S100A9: variants seen among roughly 807,000 people sequenced by gnomAD.
S100A9 encodes S100 calcium binding protein A9.
Under a neutral mutation model 4.3 loss-of-function variants are expected in S100A9, and 2 were observed. The ratio of observed to expected loss-of-function variants is 0.47; its 90% CI spans 0.19 to 1.48. The LOEUF (loss-of-function observed/expected upper bound fraction) is 1.48, where lower values mean the gene tolerates loss of function less well. Among genes scored for constraint, S100A9 ranks in the 40% most tolerant of loss-of-function variants. The probability of loss-of-function intolerance (pLI) is 0.24; values close to 1 mark genes in which losing one functional copy is unlikely to be tolerated. For synonymous variants in S100A9, 67 were observed against 54.0 expected, an observed-to-expected ratio of 1.24 and a Z score of -1.06; for missense variants, 130 against 144.4, an observed-to-expected ratio of 0.90 and a Z score of 0.51.
intron 1 of S100A9, 116 bp downstream of exon 1, chr1:153,357,997 C>A (rs143498526): frequency 9.8e-4 from 223 of 226,578 alleles, no homozygotes; most frequent in African/African-American, 4.6e-3. Flanking sequence ...GTTGGCCCTG[C>A]CTACTTTAAA....
chr1:153,358,240 G>C (rs1017886057), intron 1 of S100A9, 29 bp from the exon 2 acceptor site: 2 of 1,478,008 alleles, frequency 1.4e-6, no homozygotes, highest in South Asian at 2.7e-5. Flanking sequence ...TCTTCTAAGT[G>C]TCCCAACTCT....
Position 153,358,417 on chromosome 1 carries a change from T to C in S100A9, c.134T>C (p.Leu45Pro). 1 of 1,609,406 alleles carries C rather than the reference T, an allele frequency of 6.2e-7. No individual in the cohort carries two copies. Among genetic ancestry groups the C allele is most frequent in the Non-Finnish European group, 8.5e-7 (1 of 1,177,458 alleles). The change falls in exon 2 of 3, where the codon CTG becomes CCG. Residue 45 changes from leucine (L) to proline (P), a missense_variant. Leu to Pro is a moderately conservative substitution (Grantham distance 98, BLOSUM62 -3). Coordinates refer to ENST00000368738, the MANE Select transcript of S100A9 (RefSeq NM_002965.4). Reference sequence around the variant, plus strand: ...TTCAAAGAGCTGGTGCGAAAAGATCTGCAAAATTTTCTCAAGGTAGGGCTG... The same window carrying C: ...TTCAAAGAGCTGGTGCGAAAAGATCCGCAAAATTTTCTCAAGGTAGGGCTG... Reference protein sequence around the residue: ...GEFKELVRKDLQNFLKKENKN... With the variant: ...GEFKELVRKDPQNFLKKENKN...
In S100A9 at chr1:153,361,012, C is replaced by A; in HGVS notation, c.*174C>A. 1.7e-6 allele frequency: 1 copy of A among 588,178 alleles called. No homozygotes were observed. The highest frequency in any genetic ancestry group is 3.0e-6 in the Non-Finnish European group (1 of 331,184). The allele number at this position is 588,178 out of a possible 1,614,324, so 36.4% of individuals were successfully genotyped here. On this transcript the variant is annotated 3_prime_UTR_variant, in exon 3 of 3. Coordinates refer to ENST00000368738, the MANE Select transcript of S100A9 (RefSeq NM_002965.4). Reference sequence around the variant, plus strand: ...GCTAGGGGCTGGGGCCAAATAAAGTCTCTTCCTCCAAGTCAGTGCTCTGTG... The same window carrying A: ...GCTAGGGGCTGGGGCCAAATAAAGTATCTTCCTCCAAGTCAGTGCTCTGTG...
chr1:153,358,466 C>T, intron 2 of S100A9, 33 bp downstream of exon 2: 1 of 1,533,110 alleles, frequency 6.5e-7, no homozygotes, highest in South Asian at 1.2e-5. Context: ...CTGACCCAGC[C>T]TCACCGCAGT....
chr1:153,360,572 G>A lies in S100A9; in HGVS notation c.151-72G>A, dbSNP rs1661429152. ...GCTTCCCTTGTACATTTGCCAGCTG[G>A]TCATTTACTGTGCTCCCAGTCCCCA... On this transcript the variant is annotated intron_variant, in intron 2 of 2. Transcript: ENST00000368738. The A allele has an allele frequency of 4.0e-6, 4 of 1,001,750 alleles. No individual in the cohort carries two copies. In the Admixed American group the frequency reaches 8.7e-5, roughly 22 times the overall value. The allele number at this position is 1,001,750 out of a possible 1,614,324, so 62.1% of individuals were successfully genotyped here.
At position 153,360,781 on chromosome 1, in the gene S100A9, G is replaced by A. The variant is rs752093810; in HGVS notation, c.288G>A (p.Glu96=). The change falls in exon 3 of 3, where the codon GAG becomes GAA. Residue 96 remains glutamate, a synonymous_variant. Transcript: ENST00000368738. ...LTWASHEKMH[E]GDEGPGHHHK... is the part of the protein sequence containing the mutation. ...GGGCCTCCCACGAGAAGATGCACGA[G>A]GGTGACGAGGGCCCTGGCCACCACC... The A allele has an allele frequency of 4.3e-6, 7 of 1,614,002 alleles. No individual in the cohort carries two copies. The Admixed American group carries it at 5.0e-5, about 12-fold the overall frequency.
At position 153,358,450 on chromosome 1, in the gene S100A9, G is replaced by A; in HGVS notation, c.150+17G>A. ...TTTCTCAAGGTAGGGCTGGACTCTG[G>A]CAGGTCTGACCCAGCCTCACCGCAG... On this transcript the variant is annotated intron_variant, in intron 2 of 2. Coordinates refer to ENST00000368738, the MANE Select transcript of S100A9 (RefSeq NM_002965.4). The A allele has an allele frequency of 3.2e-6, 5 of 1,582,974 alleles. No homozygotes were observed. The highest frequency in any genetic ancestry group is 3.4e-6 in the Non-Finnish European group (4 of 1,161,528).
Position 153,360,805 on chromosome 1 carries a change from C to T in S100A9, c.312C>T (p.His104=), listed in dbSNP as rs1426973685. The change falls in exon 3 of 3, where the codon CAC becomes CAT. Residue 104 remains histidine, a synonymous_variant. Coordinates refer to ENST00000368738, the MANE Select transcript of S100A9 (RefSeq NM_002965.4). ...AGGGTGACGAGGGCCCTGGCCACCA[C>T]CATAAGCCAGGCCTCGGGGAGGGCA... is the stretch of plus-strand genomic sequence containing the variant. ...MHEGDEGPGH[H]HKPGLGEGTP 1 of 1,612,932 alleles carries T rather than the reference C, an allele frequency of 6.2e-7. No homozygotes were observed. Among genetic ancestry groups the T allele is most frequent in the Non-Finnish European group, 8.5e-7 (1 of 1,179,452 alleles).
chr1:153,360,799 C>A lies in S100A9; in HGVS notation c.306C>A (p.Gly102=). The change falls in exon 3 of 3, where the codon GGC becomes GGA. Residue 102 remains glycine (G), a synonymous_variant. Transcript: ENST00000368738. The stretch of plus-strand genomic sequence containing the variant: ...TGCACGAGGGTGACGAGGGCCCTGG[C>A]CACCACCATAAGCCAGGCCTCGGGG... The part of the protein sequence containing the change: ...EKMHEGDEGP[G]HHHKPGLGEG... 1 of 1,613,406 alleles carries A rather than the reference C, an allele frequency of 6.2e-7. No individual in the cohort carries two copies. Among genetic ancestry groups the A allele is most frequent in the Non-Finnish European group, 8.5e-7 (1 of 1,179,616 alleles).
rs541668273 is a variant in S100A9 at position 153,360,896 on chromosome 1, G to A, written c.*58G>A. Reference sequence around the variant, plus strand: ...CCACGGCCACAGTCATGGTGGCCACGGCCACAGCCACTAATCAGGAGGCCA... The same window carrying A: ...CCACGGCCACAGTCATGGTGGCCACAGCCACAGCCACTAATCAGGAGGCCA... On this transcript the variant is annotated 3_prime_UTR_variant, in exon 3 of 3. Transcript: ENST00000368738. The A allele has an allele frequency of 2.0e-5, 27 of 1,354,070 alleles. No homozygotes were observed. The highest frequency in any genetic ancestry group is 2.6e-5 in the East Asian group (1 of 38,720). The allele number at this position is 1,354,070 out of a possible 1,614,324, so 83.9% of individuals were successfully genotyped here.
chr1:153,359,596 C>T (rs1263964833), intron 2 of S100A9, among the ~76,000 whole-genome samples: 8 of 151,708 alleles, frequency 5.3e-5, no homozygotes, highest in Non-Finnish European at 1.2e-4. Flanking sequence ...GGTGACTCAG[C>T]CAGAGGGTGG....
In S100A9 at chr1:153,360,883, TCATGGTGGCCACGGCCACAGC is replaced by T. The variant is rs759667825; in HGVS notation, c.*48_*68del. On this transcript the variant is annotated 3_prime_UTR_variant, in exon 3 of 3. Coordinates refer to ENST00000368738, the MANE Select transcript of S100A9 (RefSeq NM_002965.4). ...ACAGTGGCCACGGCCACGGCCACAGTCATGGTGGCCACGGCCACAGCCACTAATCAGGAGGCCAGGCCACCC... is the reference window on the plus strand; with the variant it reads ...ACAGTGGCCACGGCCACGGCCACAGTCACTAATCAGGAGGCCAGGCCACCC... 1.5e-5 allele frequency: 21 copies of T among 1,430,582 alleles called. No homozygotes were observed. Among genetic ancestry groups the T allele is most frequent in the Admixed American group, 7.1e-5 (3 of 42,152 alleles). The allele number at this position is 1,430,582 out of a possible 1,614,324, so 88.6% of individuals were successfully genotyped here. A position where few individuals can be genotyped will look rare whatever the true frequency, so the allele number is the denominator to read the frequency against.
Position 153,360,632 on chromosome 1 carries a change from C to A in S100A9, c.151-12C>A, listed in dbSNP as rs1455796250. The A allele has an allele frequency of 6.3e-7, 1 of 1,588,874 alleles. No homozygotes were observed. On this transcript the variant is annotated splice_polypyrimidine_tract_variant and intron_variant, in intron 2 of 2. Transcript: ENST00000368738. ...ACACCCAGCTCTCACAGCCTTCTCTCCCCACCCGCAGAAGGAGAATAAGAA... is the reference window on the plus strand; with the variant it reads ...ACACCCAGCTCTCACAGCCTTCTCTACCCACCCGCAGAAGGAGAATAAGAA...
chr1:153,359,054 G>T (rs1661398591), intron 2 of S100A9, among the ~76,000 whole-genome samples: 1 of 152,158 alleles, frequency 6.6e-6, no homozygotes, highest in South Asian at 2.1e-4. Context: ...CACCTGCACA[G>T]CACTCAGGGA....
Position 153,361,002 on chromosome 1 carries a change from C to T in S100A9, c.*164C>T. 3.4e-6 allele frequency: 2 copies of T among 593,436 alleles called. No homozygotes were observed. The highest frequency in any genetic ancestry group is 6.0e-6 in the Non-Finnish European group (2 of 334,508). The allele number at this position is 593,436 out of a possible 1,614,324, so 36.8% of individuals were successfully genotyped here. A position where few individuals can be genotyped will look rare whatever the true frequency, so the allele number is the denominator to read the frequency against. The stretch of plus-strand genomic sequence containing the variant: ...TGGCTGTGGGGCTAGGGGCTGGGGC[C>T]AAATAAAGTCTCTTCCTCCAAGTCA... On this transcript the variant is annotated 3_prime_UTR_variant, in exon 3 of 3. Coordinates refer to ENST00000368738, the MANE Select transcript of S100A9 (RefSeq NM_002965.4).
chr1:153,359,900 G>T (rs912654005), intron 2 of S100A9, among the ~76,000 whole-genome samples: 1 of 151,908 alleles, frequency 6.6e-6, no homozygotes, highest in Non-Finnish European at 1.5e-5. Flanking sequence ...TGTTGGTCAG[G>T]CTGGTCTCGA....
At chr1:153,360,578 T>C (rs1661429286) in intron 2 of S100A9, 66 bp from the exon 3 acceptor site, 6 of 1,076,398 alleles carry the variant, frequency 5.6e-6, no homozygotes, top group Non-Finnish European at 6.9e-6. Flanking sequence ...GCTGGTCATT[T>C]ACTGTGCTCC....
At chr1:153,359,737 G>A (rs1397441078) in intron 2 of S100A9, among the ~76,000 whole-genome samples, 1 of 145,362 alleles carries the variant, frequency 6.9e-6, no homozygotes, top group African/African-American at 2.6e-5. Context: ...TGCCCAGGCT[G>A]GAGTGCAACG....
chr1:153,358,265 A>G lies in S100A9; in HGVS notation c.-15-4A>G. On this transcript the variant is annotated splice_polypyrimidine_tract_variant and splice_region_variant and intron_variant, in intron 1 of 2. Coordinates refer to ENST00000368738, the MANE Select transcript of S100A9 (RefSeq NM_002965.4). ...GTCCCAACTCTTGGTTTTCCATTACACAGACAGAGTGCAAGACGATGACTT... is the reference window on the plus strand; with the variant it reads ...GTCCCAACTCTTGGTTTTCCATTACGCAGACAGAGTGCAAGACGATGACTT... The G allele has an allele frequency of 6.5e-7, 1 of 1,547,782 alleles. No individual in the cohort carries two copies. Among genetic ancestry groups the G allele is most frequent in the Non-Finnish European group, 8.8e-7 (1 of 1,138,160 alleles).
Sources: allele counts gnomAD v4.1 joint callset (sites outside exome capture counted in the v4.1 genomes callset), GRCh38; gene constraint gnomAD v4.1.1; transcripts MANE v1.5; gene names NCBI Gene and HGNC (gene_info 2026-07-23, HGNC 2026-07-21).